The following GALNTL6 variants were observed in gnomAD, a reference collection of about 807,000 sequenced individuals.
The protein encoded by GALNTL6 is polypeptide N-acetylgalactosaminyltransferase-like 6.
A neutral mutation model predicts 73.7 loss-of-function variants in GALNTL6; 46 were observed. That is an observed-to-expected ratio of 0.62 (90% CI 0.49 to 0.80). The LOEUF (loss-of-function observed/expected upper bound fraction) is 0.80. GALNTL6 is among the 30% of genes least tolerant of loss of function. The pLI is 0.00. For synonymous variants in GALNTL6, 259 were observed against 263.7 expected, an observed-to-expected ratio of 0.98 and a Z score of 0.17; for missense variants, 604 against 755.0, an observed-to-expected ratio of 0.80 and a Z score of 2.34.
intron 2 of GALNTL6, among the ~76,000 whole-genome samples, chr4:171,991,166 TAAC>T (rs1740320759): frequency 6.6e-6 from 1 of 152,122 alleles, no homozygotes; most frequent in South Asian, 2.1e-4. Context: ...ATTTCTCTTG[TAAC>T]AACAACAAAA....
chr4:172,814,597 G>A (rs1289093980), intron 7 of GALNTL6, among the ~76,000 whole-genome samples: 4 of 151,908 alleles, frequency 2.6e-5, no homozygotes, highest in Admixed American at 2.6e-4. Flanking sequence ...TGTGATCAAG[G>A]CTTTGCACAC....
chr4:172,365,326 G>T (rs1261185485), intron 5 of GALNTL6, among the ~76,000 whole-genome samples: 1 of 151,938 alleles, frequency 6.6e-6, no homozygotes, highest in African/African-American at 2.4e-5. Context: ...GTTGGGGAAG[G>T]GTTTATCTTA....
At chr4:172,819,974 A>G (rs1349450973) in intron 7 of GALNTL6, among the ~76,000 whole-genome samples, 1 of 152,248 alleles carries the variant, frequency 6.6e-6, no homozygotes, top group Non-Finnish European at 1.5e-5. Context: ...AAGCCAAAAC[A>G]TCACTGACCT....
intron 2 of GALNTL6, among the ~76,000 whole-genome samples, chr4:172,114,004 CA>C (rs2110984381): frequency 6.6e-6 from 1 of 152,066 alleles, no homozygotes; most frequent in Admixed American, 6.5e-5. Context: ...ACAAGACAAA[CA>C]AAAGAAAACA....
chr4:172,272,627 C>T (rs776768346), intron 3 of GALNTL6, among the ~76,000 whole-genome samples: 1 of 152,130 alleles, frequency 6.6e-6, no homozygotes, highest in Non-Finnish European at 1.5e-5. Context: ...TGGTGTATGA[C>T]TGCATTTCTT....
At position 172,229,778 on chromosome 4, in the gene GALNTL6, T is replaced by C. The variant is rs1169956704; in HGVS notation, c.247+14T>C. The C allele has an allele frequency of 6.6e-7, 1 of 1,517,322 alleles. No homozygotes were observed. Among genetic ancestry groups the C allele is most frequent in the East Asian group, 2.3e-5 (1 of 44,438 alleles). 94.0% of individuals were successfully genotyped at this position (1,517,322 alleles called of 1,614,324 possible). A position where few individuals can be genotyped will look rare whatever the true frequency, so the allele number is the denominator to read the frequency against. ...CTATGCGCTCAGGTATGAAGCTCAG[T>C]GTACGCCAAAGTGCTATTTCACTCG... On this transcript the variant is annotated intron_variant, in intron 3 of 12. Transcript: ENST00000506823.
At chr4:172,432,246 A>T (rs1306257969) in intron 5 of GALNTL6, among the ~76,000 whole-genome samples, 4 of 151,606 alleles carry the variant, frequency 2.6e-5, no homozygotes, top group East Asian at 3.9e-4. Context: ...TTGAGGAAAC[A>T]GGCTCACAGG....
intron 2 of GALNTL6, among the ~76,000 whole-genome samples, chr4:172,072,912 G>T (rs1015059820): frequency 6.6e-6 from 1 of 151,990 alleles, no homozygotes; most frequent in African/African-American, 2.4e-5. Flanking sequence ...TCAACTTTCT[G>T]AATTCCCATT....
chr4:172,103,073 G>A (rs1202043849), intron 2 of GALNTL6, among the ~76,000 whole-genome samples: 1 of 152,184 alleles, frequency 6.6e-6, no homozygotes, highest in Admixed American at 6.5e-5. Context: ...ATACATAAAA[G>A]TATGGTTGGC....
At chr4:172,971,198 A>C (rs1750564770) in intron 10 of GALNTL6, among the ~76,000 whole-genome samples, 1 of 152,218 alleles carries the variant, frequency 6.6e-6, no homozygotes, top group South Asian at 2.1e-4. Flanking sequence ...CATTGGATGC[A>C]GCCCCTCAAT....
At chr4:172,882,452 GT>G (rs1745505226) in intron 7 of GALNTL6, among the ~76,000 whole-genome samples, 1 of 152,140 alleles carries the variant, frequency 6.6e-6, no homozygotes, top group African/African-American at 2.4e-5. Context: ...ATAAAATTGA[GT>G]GATATTTCTC....
chr4:171,930,943 A>G (rs999826029), intron 2 of GALNTL6, among the ~76,000 whole-genome samples: 1 of 152,220 alleles, frequency 6.6e-6, no homozygotes, highest in Non-Finnish European at 1.5e-5. Context: ...TAGGTAAGAG[A>G]AGGAAATACA....
intron 5 of GALNTL6, among the ~76,000 whole-genome samples, chr4:172,420,603 G>A (rs1731016200): frequency 6.6e-6 from 1 of 152,110 alleles, no homozygotes; most frequent in African/African-American, 2.4e-5. Context: ...AATGTCTCAT[G>A]TACTCTACAT....
intron 2 of GALNTL6, among the ~76,000 whole-genome samples, chr4:172,100,919 CATTAAA>C (rs1171795086): frequency 2.6e-5 from 4 of 152,096 alleles, no homozygotes; most frequent in African/African-American, 9.7e-5. Flanking sequence ...TTAGAAGATT[CATTAAA>C]ATCTCGGGGC....
chr4:171,956,810 C>T lies in GALNTL6; in HGVS notation c.138+142092C>T, dbSNP rs372070798. Among the ~76,000 whole-genome samples the T allele has an allele frequency of 1.6e-4, 25 of 152,246 alleles. No individual in the cohort carries two copies. The East Asian group carries it at 2.7e-3, about 16-fold the overall frequency. ...GGAATGCATCTCTCCTATTCCTTTG[C>T]GTGACTCATTCTCTTACTTTATGTA... On this transcript the variant is annotated intron_variant, in intron 2 of 12. Coordinates refer to ENST00000506823, the MANE Select transcript of GALNTL6 (RefSeq NM_001034845.3).
chr4:171,869,853 C>G (rs1457265913), intron 2 of GALNTL6, among the ~76,000 whole-genome samples: 1 of 152,052 alleles, frequency 6.6e-6, no homozygotes, highest in Non-Finnish European at 1.5e-5. Flanking sequence ...TCTCTCTTGC[C>G]TGCCATCTTC....
Position 171,973,152 on chromosome 4 carries a change from G to A in GALNTL6, c.138+158434G>A, listed in dbSNP as rs527626410. Among the ~76,000 whole-genome samples the A allele has an allele frequency of 2.6e-5, 4 of 152,204 alleles. No homozygotes were observed. The South Asian group carries it at 8.3e-4, about 32-fold the overall frequency. On this transcript the variant is annotated intron_variant, in intron 2 of 12. Transcript: ENST00000506823. ...TAGCAGAGGAAGGGAAGTTGTATGT[G>A]GGAGAAGTGTCAGATATAGTGTTTC...
chr4:171,976,504 T>C (rs190432185), intron 2 of GALNTL6, among the ~76,000 whole-genome samples: 73 of 152,294 alleles, frequency 4.8e-4, no homozygotes, highest in African/African-American at 1.7e-3. Flanking sequence ...AAAAATTACA[T>C]AGGTTTTGTA....
intron 2 of GALNTL6, among the ~76,000 whole-genome samples, chr4:171,816,895 G>A (rs1188356131): frequency 1.3e-5 from 2 of 151,868 alleles, no homozygotes; most frequent in African/African-American, 4.8e-5. Flanking sequence ...CAAATAAAAA[G>A]CAACTTTTAA....
Sources: gnomAD v4.1 joint callset for allele counts (sites outside exome capture counted in the v4.1 genomes callset) on GRCh38, gnomAD v4.1.1 for gene constraint, MANE v1.5 for transcripts, NCBI Gene and HGNC (gene_info 2026-07-23, HGNC 2026-07-21) for gene names.